Variants in MYO6 observed in about 807,000 individuals in gnomAD.
MYO6 encodes the protein unconventional myosin-VI.
MYO6 carries 74 observed loss-of-function variants against 178.7 expected under a neutral mutation model. That is an observed-to-expected ratio of 0.41 (90% confidence interval 0.34 to 0.50). The LOEUF (loss-of-function observed/expected upper bound fraction) is 0.50. Among genes scored for constraint, MYO6 ranks in the 20% least tolerant of loss-of-function variants. MYO6 has a pLI of 0.09. For synonymous variants in MYO6, 477 were observed against 504.6 expected, an observed-to-expected ratio of 0.95 and a Z score of 0.73; for missense variants, 1,330 against 1,547.4, an observed-to-expected ratio of 0.86 and a Z score of 2.36.
intron 26 of MYO6, 146 bp downstream of exon 26, chr6:75,890,411 A>G (rs1393515926): frequency 1.8e-6 from 2 of 1,128,978 alleles, no homozygotes; most frequent in Middle Eastern, 2.9e-4. Context: ...CAGTGGCGCG[A>G]TCTTGGCTTA....
In MYO6 at chr6:75,758,891, A is replaced by G. The variant is rs188382946; in HGVS notation, c.-48+9468A>G. Reference sequence around the variant, plus strand: ...GTATAGATCTTTTTTTTTTTTTGAGATGTAGTCTCACCCTGTTGCCCACGC... The same window carrying G: ...GTATAGATCTTTTTTTTTTTTTGAGGTGTAGTCTCACCCTGTTGCCCACGC... On this transcript the variant is annotated intron_variant, in intron 1 of 34. Transcript: ENST00000369977. Among the ~76,000 whole-genome samples, 48 of 147,804 alleles carry G rather than the reference A, an allele frequency of 3.2e-4. 1 individual carries two copies. The highest frequency in any genetic ancestry group is 1.6e-3 in the Admixed American group (24 of 14,810).
intron 1 of MYO6, among the ~76,000 whole-genome samples, chr6:75,798,375 A>G (rs954832573): frequency 1.8e-4 from 27 of 152,284 alleles, no homozygotes; most frequent in Admixed American, 1.2e-3. Flanking sequence ...TGTTTTGGTT[A>G]CTGTAGCCTT....
chr6:75,756,027 C>G (rs903139717), intron 1 of MYO6, among the ~76,000 whole-genome samples: 4 of 152,176 alleles, frequency 2.6e-5, no homozygotes, highest in African/African-American at 7.2e-5. Flanking sequence ...GGCGCTGTTA[C>G]CAACCTGCTT....
intron 10 of MYO6, among the ~76,000 whole-genome samples, chr6:75,846,625 T>C (rs1337516487): frequency 6.6e-6 from 1 of 152,166 alleles, no homozygotes; most frequent in African/African-American, 2.4e-5. Context: ...TATCTTTCTT[T>C]GTCTTGATAA....
At chr6:75,843,554 G>C (rs1355883061) in intron 9 of MYO6, among the ~76,000 whole-genome samples, 1 of 152,146 alleles carries the variant, frequency 6.6e-6, no homozygotes, top group Non-Finnish European at 1.5e-5. Context: ...AGGCCCCACT[G>C]TCCAGAAGCA....
intron 1 of MYO6, among the ~76,000 whole-genome samples, chr6:75,785,489 T>C (rs1346280458): frequency 7.4e-6 from 1 of 135,926 alleles, no homozygotes; most frequent in Non-Finnish European, 1.5e-5. Flanking sequence ...TTTTTTTTTT[T>C]GAGACTGGGT....
At chr6:75,906,459 T>C (rs1313443420) in intron 30 of MYO6, among the ~76,000 whole-genome samples, 1 of 152,098 alleles carries the variant, frequency 6.6e-6, no homozygotes, top group Non-Finnish European at 1.5e-5. Context: ...GCAGATCACT[T>C]GAGCTCAGGA....
At chr6:75,859,667 CTT>C (rs34957875) in intron 14 of MYO6, among the ~76,000 whole-genome samples, 237 of 118,296 alleles carry the variant, frequency 2.0e-3, no homozygotes, top group African/African-American at 7.3e-3. Flanking sequence ...ATCTCCCACT[CTT>C]TTTTTTTTTT....
chr6:75,771,015 T>C (rs529952178), intron 1 of MYO6, among the ~76,000 whole-genome samples: 65 of 151,100 alleles, frequency 4.3e-4, no homozygotes, highest in Admixed American at 1.4e-3. Context: ...TTTTTTTTTT[T>C]CCCCCCTGAG....
intron 1 of MYO6, among the ~76,000 whole-genome samples, chr6:75,766,015 G>A (rs1025101228): frequency 6.6e-6 from 1 of 152,106 alleles, no homozygotes; most frequent in Admixed American, 6.6e-5. Flanking sequence ...GCAACAGAGT[G>A]AGACTCCGTC....
chr6:75,778,955 G>A (rs1766669290), intron 1 of MYO6, among the ~76,000 whole-genome samples: 1 of 150,378 alleles, frequency 6.6e-6, no homozygotes, highest in African/African-American at 2.4e-5. Flanking sequence ...TGCTTGGGAG[G>A]CCGAAATGGG....
At chr6:75,817,693 T>C in intron 2 of MYO6, 29 bp downstream of exon 2, 2 of 1,591,022 alleles carry the variant, frequency 1.3e-6, no homozygotes, top group Non-Finnish European at 1.7e-6. Context: ...TGTTGAAATA[T>C]GATTTCTTTC....
At chr6:75,813,694 T>G (rs1202840717) in intron 1 of MYO6, among the ~76,000 whole-genome samples, 2 of 152,132 alleles carry the variant, frequency 1.3e-5, no homozygotes, top group African/African-American at 4.8e-5. Flanking sequence ...CCGTGGTGAG[T>G]ATTGCCTGGC....
At chr6:75,887,035 A>G in intron 25 of MYO6, 41 bp downstream of exon 25, 1 of 1,566,434 alleles carries the variant, frequency 6.4e-7, no homozygotes, top group Middle Eastern at 1.7e-4. Context: ...TTTTTATGTA[A>G]TTTAATATAT....
intron 28 of MYO6, among the ~76,000 whole-genome samples, chr6:75,894,591 T>C (rs1021917653): frequency 6.6e-6 from 1 of 152,218 alleles, no homozygotes; most frequent in Admixed American, 6.5e-5. Flanking sequence ...ATATCACATG[T>C]TTGATAGTTT....
chr6:75,817,707 A>T, intron 2 of MYO6, 43 bp downstream of exon 2: 4 of 1,560,720 alleles, frequency 2.6e-6, no homozygotes, highest in Non-Finnish European at 3.5e-6. Flanking sequence ...TTCTTTCAAA[A>T]ATAGGTGTTT....
intron 31 of MYO6, 84 bp downstream of exon 31, chr6:75,907,792 G>A (rs879024503): frequency 1.7e-5 from 15 of 898,378 alleles, no homozygotes; most frequent in South Asian, 1.5e-4. Context: ...GTGTGTGTGT[G>A]TATGTGTGTG....
chr6:75,751,207 C>T (rs565750865), intron 1 of MYO6, among the ~76,000 whole-genome samples: 2 of 152,252 alleles, frequency 1.3e-5, no homozygotes, highest in South Asian at 2.1e-4. Context: ...GAGTATTTTA[C>T]GTTACGCAGG....
At chr6:75,888,558 G>A (rs927340226) in intron 25 of MYO6, among the ~76,000 whole-genome samples, 2 of 150,732 alleles carry the variant, frequency 1.3e-5, no homozygotes, top group African/African-American at 4.9e-5. Flanking sequence ...GCAGTGAACA[G>A]AGATTGCACC....
Sources: gnomAD v4.1 joint callset for allele counts (sites outside exome capture counted in the v4.1 genomes callset) on GRCh38, gnomAD v4.1.1 for gene constraint, MANE v1.5 for transcripts, NCBI Gene and HGNC (gene_info 2026-07-23, HGNC 2026-07-21) for gene names.